The following C1QTNF3 variants were observed in gnomAD, a reference collection of about 807,000 sequenced individuals.
C1QTNF3 encodes the protein C1q and TNF related 3.
C1QTNF3 carries 26 observed loss-of-function variants against 32.6 expected under a neutral mutation model. The observed-to-expected ratio is 0.80, with a 90% CI of 0.58 to 1.11. The LOEUF (loss-of-function observed/expected upper bound fraction) is 1.11. Among genes scored for constraint, C1QTNF3 ranks in the 50% least tolerant of loss-of-function variants. C1QTNF3 has a pLI of 0.00. For missense variants in C1QTNF3, 362 were observed against 398.2 expected, an observed-to-expected ratio of 0.91 and a Z score of 0.77; for synonymous variants, 155 against 146.0, an observed-to-expected ratio of 1.06 and a Z score of -0.44.
At chr5:34,225,381 C>T in the C1QTNF3 span, among the ~76,000 whole-genome samples, 11 of 152,096 alleles carry the variant, frequency 7.2e-5, 1 homozygote, top group South Asian at 1.0e-3. Flanking sequence ...ATTTGGAATT[C>T]GTTTTAGTGT....
the C1QTNF3 span, among the ~76,000 whole-genome samples, chr5:34,083,984 A>C: frequency 1.3e-5 from 2 of 151,788 alleles, no homozygotes; most frequent in East Asian, 1.9e-4. Context: ...GTTGCATGGA[A>C]TGTATTGCCA....
chr5:34,084,986 C>CTTTTTT, the C1QTNF3 span, among the ~76,000 whole-genome samples: 15 of 69,972 alleles, frequency 2.1e-4, no homozygotes, highest in East Asian at 8.4e-4. Flanking sequence ...ACGTTTAAGT[C>CTTTTTT]TTTTTTTTTT....
the C1QTNF3 span, among the ~76,000 whole-genome samples, chr5:34,127,379 T>C: frequency 6.6e-6 from 1 of 151,980 alleles, no homozygotes; most frequent in Admixed American, 6.6e-5. Context: ...CCGGCTGAGG[T>C]AGTCTCAGAT....
chr5:34,062,574 CA>C, the C1QTNF3 span, among the ~76,000 whole-genome samples: 1 of 152,128 alleles, frequency 6.6e-6, no homozygotes, highest in Non-Finnish European at 1.5e-5. Flanking sequence ...TTGAGCAAAC[CA>C]ATTATTAGGC....
chr5:34,033,144 G>C, intron 3 of C1QTNF3, 160 bp downstream of exon 3: 3 of 737,752 alleles, frequency 4.1e-6, no homozygotes, highest in Non-Finnish European at 6.8e-6. Context: ...GGACAGTATG[G>C]GCCTTATGCA....
At chr5:34,240,477 A>G in the C1QTNF3 span, among the ~76,000 whole-genome samples, 1 of 151,196 alleles carries the variant, frequency 6.6e-6, no homozygotes, top group Non-Finnish European at 1.5e-5. Context: ...TAATCCTCAG[A>G]GAATACTAGG....
At chr5:34,172,443 G>T in the C1QTNF3 span, among the ~76,000 whole-genome samples, 8 of 151,332 alleles carry the variant, frequency 5.3e-5, no homozygotes, top group Admixed American at 1.3e-4. Flanking sequence ...GGTTGGGCGG[G>T]GGGGGCGGGG....
At chr5:34,049,922 C>A in the C1QTNF3 span, among the ~76,000 whole-genome samples, 1 of 152,252 alleles carries the variant, frequency 6.6e-6, no homozygotes, top group African/African-American at 2.4e-5. Context: ...TTAATCACAT[C>A]TAAAGGAATA....
the C1QTNF3 span, among the ~76,000 whole-genome samples, chr5:34,115,447 G>C: frequency 1.3e-5 from 2 of 151,966 alleles, no homozygotes; most frequent in Non-Finnish European, 2.9e-5. Context: ...ACTTCAGCTG[G>C]TGGCCGGACA....
the C1QTNF3 span, among the ~76,000 whole-genome samples, chr5:34,080,876 C>T: frequency 6.6e-6 from 1 of 151,676 alleles, no homozygotes; most frequent in Admixed American, 6.6e-5. Flanking sequence ...CCTCAACACA[C>T]GTCTCAAGAA....
chr5:34,233,750 C>T, the C1QTNF3 span, among the ~76,000 whole-genome samples: 1 of 151,806 alleles, frequency 6.6e-6, no homozygotes, highest in African/African-American at 2.4e-5. Context: ...CATTATTTTG[C>T]TTCCTATACT....
chr5:34,122,209 A>C, the C1QTNF3 span, among the ~76,000 whole-genome samples: 1 of 152,186 alleles, frequency 6.6e-6, no homozygotes, highest in East Asian at 1.9e-4. Context: ...ATGGTAGAAA[A>C]AGTCAACACA....
the C1QTNF3 span, among the ~76,000 whole-genome samples, chr5:34,111,160 A>G: frequency 2.0e-5 from 3 of 152,328 alleles, no homozygotes; most frequent in South Asian, 4.1e-4. Flanking sequence ...GATCTTTTGC[A>G]CAGATGATCT....
the C1QTNF3 span, among the ~76,000 whole-genome samples, chr5:34,101,088 T>G: frequency 6.6e-6 from 1 of 151,756 alleles, no homozygotes; most frequent in Admixed American, 6.6e-5. Context: ...TTCTCTTTTT[T>G]AAAAAAATCA....
chr5:34,173,282 T>A, the C1QTNF3 span, among the ~76,000 whole-genome samples: 40 of 152,060 alleles, frequency 2.6e-4, 1 homozygote, highest in Admixed American at 2.6e-3. Flanking sequence ...ATGTACAATT[T>A]CACAGTATAT....
At position 34,018,908 on chromosome 5, in the gene C1QTNF3, C is replaced by T. The variant is rs1754258872; in HGVS notation, c.*1675G>A. On this transcript the variant is annotated 3_prime_UTR_variant, in exon 6 of 6. Coordinates refer to ENST00000382065, the MANE Select transcript of C1QTNF3 (RefSeq NM_181435.6). ...TTGGAAGACCGAGGCAGGCAGATCA[C>T]CTGAGGTCAGGAGTTCCAGACCGGC... Among the ~76,000 whole-genome samples, 1 of 152,068 alleles carries T rather than the reference C, an allele frequency of 6.6e-6. No homozygotes were observed. The highest frequency in any genetic ancestry group is 6.5e-5 in the Admixed American group (1 of 15,276).
the C1QTNF3 span, among the ~76,000 whole-genome samples, chr5:34,051,202 G>A: frequency 1.3e-5 from 2 of 152,146 alleles, no homozygotes; most frequent in South Asian, 2.1e-4. Flanking sequence ...GCAGAAAGAT[G>A]GAAATAACCT....
chr5:34,224,939 C>T, the C1QTNF3 span, among the ~76,000 whole-genome samples: 1 of 152,094 alleles, frequency 6.6e-6, no homozygotes. Flanking sequence ...CTACAATGAA[C>T]TCAAACAAAT....
chr5:34,100,471 CAG>C, the C1QTNF3 span, among the ~76,000 whole-genome samples: 2 of 151,740 alleles, frequency 1.3e-5, no homozygotes, highest in East Asian at 1.9e-4. Flanking sequence ...TATATTAAAA[CAG>C]TGTTAATAAA....
Sources: gnomAD v4.1 joint callset for allele counts (sites outside exome capture counted in the v4.1 genomes callset) on GRCh38, gnomAD v4.1.1 for gene constraint, MANE v1.5 for transcripts, NCBI Gene and HGNC (gene_info 2026-07-23, HGNC 2026-07-21) for gene names.